Variants in SLC35A1 observed in about 807,000 individuals in gnomAD.
SLC35A1 encodes the protein CMP-sialic acid transporter.
In SLC35A1, 21 loss-of-function variants were observed where a neutral mutation model predicts 40.3. The ratio of observed to expected loss-of-function variants is 0.52; its 90% CI spans 0.37 to 0.75. The LOEUF (loss-of-function observed/expected upper bound fraction) is 0.75. Ranked by LOEUF, SLC35A1 falls within the 30% of genes least tolerant of loss-of-function variation. The pLI is 0.00. For synonymous variants in SLC35A1, 146 were observed against 147.3 expected (o/e 0.99, Z 0.06); for missense variants, 297 against 382.1 (o/e 0.78, Z 1.86).
At chr6:87,474,517 A>G (rs1477292646) in intron 1 of SLC35A1, among the ~76,000 whole-genome samples, 2 of 152,228 alleles carry the variant, frequency 1.3e-5, no homozygotes, top group East Asian at 3.8e-4. Context: ...CTAGCTTTAT[A>G]GTTACTGGCA....
At chr6:87,506,231 G>T in intron 4 of SLC35A1, 151 bp from the exon 5 acceptor site, 2 of 657,784 alleles carry the variant, frequency 3.0e-6, no homozygotes, top group Admixed American at 2.7e-5. Context: ...TGGTCTTTTT[G>T]TTTAGTTGTC....
intron 4 of SLC35A1, among the ~76,000 whole-genome samples, chr6:87,505,635 T>C (rs1247232106): frequency 6.6e-6 from 1 of 152,228 alleles, no homozygotes; most frequent in East Asian, 1.9e-4. Context: ...TGCTGGCATC[T>C]GGTGAGGCTC....
intron 4 of SLC35A1, among the ~76,000 whole-genome samples, chr6:87,501,548 A>C (rs1769924033): frequency 6.6e-6 from 1 of 152,212 alleles, no homozygotes; most frequent in African/African-American, 2.4e-5. Context: ...CCTTAGAAAT[A>C]ATGTGTTCCA....
At chr6:87,497,539 G>A (rs1232825331) in intron 2 of SLC35A1, among the ~76,000 whole-genome samples, 2 of 151,862 alleles carry the variant, frequency 1.3e-5, no homozygotes, top group Admixed American at 6.5e-5. Context: ...TGAGGGAGAA[G>A]TGATAAGAAA....
chr6:87,500,711 G>T, intron 3 of SLC35A1, 44 bp downstream of exon 3: 1 of 1,580,234 alleles, frequency 6.3e-7, no homozygotes, highest in South Asian at 1.1e-5. Flanking sequence ...ATCTTTTATG[G>T]TAAAAAGAGT....
At chr6:87,503,446 AC>A (rs1403094260) in intron 4 of SLC35A1, among the ~76,000 whole-genome samples, 44 of 152,256 alleles carry the variant, frequency 2.9e-4, no homozygotes, top group African/African-American at 7.9e-4. Flanking sequence ...TATCCTCACT[AC>A]AGTTCTGTGT....
At chr6:87,509,951 C>G (rs557815355) in intron 7 of SLC35A1, among the ~76,000 whole-genome samples, 82 of 152,014 alleles carry the variant, frequency 5.4e-4, no homozygotes, top group Non-Finnish European at 9.1e-4. Flanking sequence ...GTAAAAGAGA[C>G]CTGGCTTATA....
At chr6:87,487,504 C>T (rs1769422518) in intron 2 of SLC35A1, among the ~76,000 whole-genome samples, 1 of 152,168 alleles carries the variant, frequency 6.6e-6, no homozygotes, top group Non-Finnish European at 1.5e-5. Flanking sequence ...GTGCTTCAAT[C>T]TAAAGACACT....
rs779745694 is a variant in SLC35A1 at position 87,508,428 on chromosome 6, T to G, written c.583T>G (p.Phe195Val). The G allele has an allele frequency of 6.3e-7, 1 of 1,599,616 alleles. No individual in the cohort carries two copies. The highest frequency in any genetic ancestry group is 2.2e-5 in the East Asian group (1 of 44,686). ...VLCSGFAGVY[F>V]EKVLKSSDTS... ...GTCTAATTTTCTTTCAGGAGTATAT[T>G]TTGAAAAAGTTTTAAAGAGTTCAGA... The change falls in exon 6 of 8, where the codon TTT (phenylalanine) becomes GTT (valine). Residue 195 changes from phenylalanine (F) to valine (V), a missense_variant. Coordinates refer to ENST00000369552, the MANE Select transcript of SLC35A1 (RefSeq NM_006416.5).
intron 2 of SLC35A1, among the ~76,000 whole-genome samples, chr6:87,496,779 C>CAAAAA (rs751785939): frequency 8.9e-4 from 25 of 27,972 alleles, no homozygotes; most frequent in South Asian, 1.2e-3. Context: ...GACTCCATCT[C>CAAAAA]AAAAAAAAAA....
At chr6:87,479,444 T>C (rs118088629) in intron 2 of SLC35A1, among the ~76,000 whole-genome samples, 11,675 of 152,234 alleles carry the variant, frequency 0.077, 476 homozygotes, top group East Asian at 0.096. Flanking sequence ...GAGGCTGTTA[T>C]TCCTTTCCAT....
At chr6:87,486,820 G>T (rs939882809) in intron 2 of SLC35A1, among the ~76,000 whole-genome samples, 1 of 152,160 alleles carries the variant, frequency 6.6e-6, no homozygotes, top group African/African-American at 2.4e-5. Context: ...GGTCATCAGG[G>T]TATCACAGTA....
chr6:87,474,348 C>T (rs1428182743), intron 1 of SLC35A1, among the ~76,000 whole-genome samples: 1 of 152,160 alleles, frequency 6.6e-6, no homozygotes, highest in Non-Finnish European at 1.5e-5. Context: ...AATAATGTCC[C>T]CATAAACTAT....
intron 2 of SLC35A1, among the ~76,000 whole-genome samples, chr6:87,480,892 T>C (rs1486827204): frequency 6.6e-6 from 1 of 152,150 alleles, no homozygotes; most frequent in Non-Finnish European, 1.5e-5. Flanking sequence ...CCTTCTGTGG[T>C]ACAAACCATA....
intron 1 of SLC35A1, among the ~76,000 whole-genome samples, chr6:87,474,127 G>A (rs1279794221): frequency 1.3e-5 from 2 of 152,234 alleles, no homozygotes; most frequent in African/African-American, 4.8e-5. Flanking sequence ...AATGGGGATA[G>A]CAAAATTGAT....
chr6:87,479,776 T>C (rs929372531), intron 2 of SLC35A1, among the ~76,000 whole-genome samples: 4 of 152,224 alleles, frequency 2.6e-5, no homozygotes, highest in African/African-American at 9.7e-5. Flanking sequence ...GTTTATCCAA[T>C]CTATGTTTTT....
chr6:87,491,471 TTA>T (rs1249783444), intron 2 of SLC35A1, among the ~76,000 whole-genome samples: 1 of 152,234 alleles, frequency 6.6e-6, no homozygotes, highest in Non-Finnish European at 1.5e-5. Context: ...GATTTTCAAA[TTA>T]TGAGTCTTTC....
At chr6:87,510,571 CCTG>C (rs1282030737) in intron 7 of SLC35A1, among the ~76,000 whole-genome samples, 1 of 151,976 alleles carries the variant, frequency 6.6e-6, no homozygotes, top group Non-Finnish European at 1.5e-5. Flanking sequence ...TTTCTTGCAT[CCTG>C]ATTTTTAAGA....
At chr6:87,489,321 G>A (rs948057790) in intron 2 of SLC35A1, among the ~76,000 whole-genome samples, 6 of 152,002 alleles carry the variant, frequency 3.9e-5, no homozygotes. Context: ...TGTTTTCCTG[G>A]TAGTGAGCTG....
Sources: allele counts gnomAD v4.1 joint callset (sites outside exome capture counted in the v4.1 genomes callset), GRCh38; gene constraint gnomAD v4.1.1; transcripts MANE v1.5; gene names NCBI Gene and HGNC (gene_info 2026-07-23, HGNC 2026-07-21).